Variants in CCDC50 observed in about 807,000 individuals in gnomAD.
CCDC50 encodes coiled-coil domain containing 50, also known as coiled-coil domain-containing protein 50.
In CCDC50, 54 loss-of-function variants were observed where a neutral mutation model predicts 70.2. The observed-to-expected ratio is 0.77, with a 90% CI of 0.62 to 0.96. The LOEUF is 0.96. Among genes scored for constraint, CCDC50 ranks in the 50% least tolerant of loss-of-function variants. The pLI is 0.00. For missense variants in CCDC50, 558 were observed against 578.7 expected, an observed-to-expected ratio of 0.96 and a Z score of 0.37; for synonymous variants, 216 against 198.8, an observed-to-expected ratio of 1.09 and a Z score of -0.73.
intron 4 of CCDC50, among the ~76,000 whole-genome samples, chr3:191,365,977 G>A (rs957198300): frequency 1.3e-5 from 2 of 152,010 alleles, no homozygotes; most frequent in Admixed American, 6.6e-5. Context: ...TTCAGATTTC[G>A]GATTTTTGGA....
rs369242713 is a variant in CCDC50, at chr3:191,329,709, C to G, written c.35C>G (p.Pro12Arg). ...AEVSIDQSKL[P>R]GVKEVCRDFA... Reference sequence around the variant, plus strand: ...GTCAGCATCGACCAGTCCAAGCTGCCTGGAGTCAAGGAAGGTAAGGGCCCC... The same window carrying G: ...GTCAGCATCGACCAGTCCAAGCTGCGTGGAGTCAAGGAAGGTAAGGGCCCC... Residue 12 changes from proline to arginine, a missense_variant, in exon 1 of 12, where the codon CCT (proline) becomes CGT (arginine). Transcript: ENST00000392455. The G allele has an allele frequency of 6.2e-7, 1 of 1,610,486 alleles. No individual in the cohort carries two copies. The highest frequency in any genetic ancestry group is 2.2e-5 in the East Asian group (1 of 44,728).
intron 10 of CCDC50, among the ~76,000 whole-genome samples, chr3:191,383,523 AATTTTGAAAACTCTGAATT>A (rs1713393737): frequency 6.6e-6 from 1 of 152,120 alleles, no homozygotes; most frequent in African/African-American, 2.4e-5. Context: ...CTAAGTTTAA[AATTTTGAAAACTCTGAATT>A]ATTCAAATTT....
chr3:191,380,952 T>C lies in CCDC50; in HGVS notation c.1242+20T>C. On this transcript the variant is annotated intron_variant, in intron 9 of 11. Coordinates refer to ENST00000392455, the MANE Select transcript of CCDC50 (RefSeq NM_178335.3). The stretch of plus-strand genomic sequence containing the variant: ...TGGAAGGTAGAGTGTGTTTTGTTTG[T>C]TTTCTAATTAGAAATAAAATTAGAA... 6 of 1,587,954 alleles carry C rather than the reference T, an allele frequency of 3.8e-6. No homozygotes were observed. Among genetic ancestry groups the C allele is most frequent in the Non-Finnish European group, 5.2e-6 (6 of 1,161,318 alleles).
rs181414194 is a variant in CCDC50 at position 191,358,635 on chromosome 3, G to A, written c.239+511G>A. Among the ~76,000 whole-genome samples, 4 of 152,284 alleles carry A rather than the reference G, an allele frequency of 2.6e-5. No individual in the cohort carries two copies. The East Asian group carries it at 5.8e-4, about 22-fold the overall frequency. On this transcript the variant is annotated intron_variant, in intron 3 of 11. Transcript: ENST00000392455. ...AGTTTTTTTCATAACTTCAGTGTCTGACAAAAGTTCTCTCTAGTAGCCTCC... is the reference window on the plus strand; with the variant it reads ...AGTTTTTTTCATAACTTCAGTGTCTAACAAAAGTTCTCTCTAGTAGCCTCC...
chr3:191,365,851 A>G (rs540497193), intron 4 of CCDC50, among the ~76,000 whole-genome samples: 3 of 152,320 alleles, frequency 2.0e-5, no homozygotes, highest in East Asian at 3.9e-4. Context: ...ATATATTTAA[A>G]TGATATAAAT....
intron 1 of CCDC50, among the ~76,000 whole-genome samples, chr3:191,338,136 G>A (rs764726328): frequency 2.6e-5 from 4 of 152,090 alleles, no homozygotes; most frequent in Non-Finnish European, 5.9e-5. Flanking sequence ...TGACTTATAA[G>A]GATATCTTTC....
Position 191,375,409 on chromosome 3 carries a change from G to T in CCDC50, c.796G>T (p.Glu266Ter). The T allele has an allele frequency of 3.1e-6, 5 of 1,613,738 alleles. No individual in the cohort carries two copies. Among genetic ancestry groups the T allele is most frequent in the Non-Finnish European group, 4.2e-6 (5 of 1,179,860 alleles). Residue 266 changes from glutamate (E) to a stop codon, truncating the protein, a stop_gained, in exon 6 of 12, where the codon GAA becomes TAA. Transcript: ENST00000392455. LOFTEE classifies it high-confidence loss of function. ...TKINHQTRNWEKQSRHQDRLS... is the reference protein window; with the variant it reads ...TKINHQTRNW ...GATTAACCATCAGACTCGAAATTGG[G>T]AAAAACAGTCTCGACACCAAGATCG...
At chr3:191,331,569 AC>A (rs1717985911) in intron 1 of CCDC50, among the ~76,000 whole-genome samples, 1 of 152,206 alleles carries the variant, frequency 6.6e-6, no homozygotes. Context: ...TCATTAAGTT[AC>A]AATTAAATAT....
intron 4 of CCDC50, among the ~76,000 whole-genome samples, chr3:191,369,111 A>G (rs1035878353): frequency 2.8e-5 from 4 of 143,010 alleles, no homozygotes; most frequent in African/African-American, 1.0e-4. Context: ...TAAAATGTTC[A>G]TAACTCTGCT....
At chr3:191,358,662 T>G (rs537741879) in intron 3 of CCDC50, among the ~76,000 whole-genome samples, 1 of 152,342 alleles carries the variant, frequency 6.6e-6, no homozygotes, top group Non-Finnish European at 1.5e-5. Context: ...GTAGCCTCCT[T>G]TAACACACAG....
intron 3 of CCDC50, among the ~76,000 whole-genome samples, chr3:191,360,341 G>T (rs915507684): frequency 6.6e-6 from 1 of 152,196 alleles, no homozygotes; most frequent in Admixed American, 6.5e-5. Flanking sequence ...TGTGTCACTT[G>T]TGACCTTTAA....
intron 4 of CCDC50, among the ~76,000 whole-genome samples, chr3:191,362,620 G>A (rs909210287): frequency 5.3e-5 from 8 of 152,130 alleles, no homozygotes; most frequent in Non-Finnish European, 1.2e-4. Flanking sequence ...TTATAAGCAT[G>A]GTGTTAATTA....
At chr3:191,347,124 A>T (rs924696353) in intron 1 of CCDC50, among the ~76,000 whole-genome samples, 1 of 142,048 alleles carries the variant, frequency 7.0e-6, no homozygotes, top group African/African-American at 2.5e-5. Flanking sequence ...CTTTTTGTGA[A>T]AAAGGCAGCT....
intron 1 of CCDC50, among the ~76,000 whole-genome samples, chr3:191,331,752 T>C (rs1717993921): frequency 6.6e-6 from 1 of 152,220 alleles, no homozygotes; most frequent in South Asian, 2.1e-4. Context: ...TATCCTTCCC[T>C]AATATAACTC....
intron 11 of CCDC50, 73 bp downstream of exon 11, chr3:191,389,675 C>A (rs984841587): frequency 1.7e-6 from 2 of 1,146,682 alleles, no homozygotes; most frequent in South Asian, 1.2e-5. Flanking sequence ...GTGGAAAAAT[C>A]AAATTCTGTG....
At position 191,391,935 on chromosome 3, in the gene CCDC50, G is replaced by T; in HGVS notation, c.*175G>T. On this transcript the variant is annotated 3_prime_UTR_variant, in exon 12 of 12. Transcript: ENST00000392455. ...CATTTCAAATGTTTTGGTTATTCAT[G>T]ATCACTTGGGCAGTATAAGAAAATG... 1 of 654,108 alleles carries T rather than the reference G, an allele frequency of 1.5e-6. No homozygotes were observed. The highest frequency in any genetic ancestry group is 2.7e-6 in the Non-Finnish European group (1 of 372,234). 40.5% of individuals were successfully genotyped at this position (654,108 alleles called of 1,614,324 possible).
chr3:191,356,609 G>A (rs1293017905), intron 1 of CCDC50, among the ~76,000 whole-genome samples: 3 of 152,310 alleles, frequency 2.0e-5, no homozygotes, highest in East Asian at 1.9e-4. Context: ...CTTGAAAGAC[G>A]CCAGGGTAGA....
At position 191,389,606 on chromosome 3, in the gene CCDC50, A is replaced by G. The variant is rs767695274; in HGVS notation, c.1429+4A>G. On this transcript the variant is annotated splice_donor_region_variant and intron_variant, in intron 11 of 11. Transcript: ENST00000392455. Reference sequence around the variant, plus strand: ...AAATCAGAGTCCTCTCATAAAGGTAAGAAGAGTATGTATGGTCAAGTTTAG... The same window carrying G: ...AAATCAGAGTCCTCTCATAAAGGTAGGAAGAGTATGTATGGTCAAGTTTAG... 3 of 1,602,264 alleles carry G rather than the reference A, an allele frequency of 1.9e-6. No homozygotes were observed. Among genetic ancestry groups the G allele is most frequent in the Non-Finnish European group, 1.7e-6 (2 of 1,169,168 alleles).
At position 191,329,826 on chromosome 3, in the gene CCDC50, G is replaced by A. The variant is rs1169410969; in HGVS notation, c.49+103G>A. ...ATTTCGGCTCCCGCGGCCCTCGCCC[G>A]GTGCCCGCCCTGCGTTGGCCTTGCC... is the stretch of plus-strand genomic sequence containing the variant. On this transcript the variant is annotated intron_variant, in intron 1 of 11. Transcript: ENST00000392455. 6.5e-6 allele frequency: 8 copies of A among 1,230,286 alleles called. No homozygotes were observed. In the South Asian group the frequency reaches 8.0e-5, roughly 12 times the overall value. 76.2% of individuals were successfully genotyped at this position (1,230,286 alleles called of 1,614,324 possible).
Sources: allele counts gnomAD v4.1 joint callset (sites outside exome capture counted in the v4.1 genomes callset), GRCh38; gene constraint gnomAD v4.1.1; transcripts MANE v1.5; gene names NCBI Gene and HGNC (gene_info 2026-07-23, HGNC 2026-07-21).